SLC13A2: variants seen among roughly 807,000 people sequenced by gnomAD.
SLC13A2 encodes the protein solute carrier family 13 member 2.
In SLC13A2, 40 loss-of-function variants were observed where a neutral mutation model predicts 58.5. That is an observed-to-expected ratio of 0.68 (90% CI 0.53 to 0.89). The LOEUF is 0.89. Ranked by LOEUF, SLC13A2 falls within the 40% of genes least tolerant of loss-of-function variation. The probability of loss-of-function intolerance (pLI) is 0.00; values close to 1 mark genes in which losing one functional copy is unlikely to be tolerated. For synonymous variants in SLC13A2, 341 were observed against 331.6 expected (o/e 1.03, Z -0.31); for missense variants, 694 against 772.6 (o/e 0.90, Z 1.21).
rs2069172654 is a variant in SLC13A2, at chr17:28,497,536, G to T, written c.*267G>T. ...GTGTGACGTGAGGCTATCTGAGGGGGGCTGTGTGCATGCACATGATCCTAG... is the reference window on the plus strand; with the variant it reads ...GTGTGACGTGAGGCTATCTGAGGGGTGCTGTGTGCATGCACATGATCCTAG... On this transcript the variant is annotated 3_prime_UTR_variant, in exon 12 of 12. Coordinates refer to ENST00000314669, the MANE Select transcript of SLC13A2 (RefSeq NM_003984.4). 1.2e-5 allele frequency: 6 copies of T among 510,456 alleles called. No homozygotes were observed. Among genetic ancestry groups the T allele is most frequent in the Admixed American group, 3.3e-5 (1 of 30,598 alleles). The allele number at this position is 510,456 out of a possible 1,614,324, so 31.6% of individuals were successfully genotyped here.
At chr17:28,476,541 C>G (rs187658694) in intron 1 of SLC13A2, among the ~76,000 whole-genome samples, 3 of 152,152 alleles carry the variant, frequency 2.0e-5, no homozygotes, top group Non-Finnish European at 2.9e-5. Context: ...ACCCACCTCT[C>G]GCTCACTCTC....
intron 9 of SLC13A2, 126 bp from the exon 10 acceptor site, chr17:28,495,529 A>G: frequency 6.4e-6 from 6 of 931,378 alleles, no homozygotes; most frequent in Non-Finnish European, 9.8e-6. Context: ...TCATCCCTTT[A>G]GAGCTGTCTT....
chr17:28,483,572 G>GGCTGCAGTGA (rs1434514140), intron 1 of SLC13A2, among the ~76,000 whole-genome samples: 1 of 152,226 alleles, frequency 6.6e-6, no homozygotes, highest in Non-Finnish European at 1.5e-5. Context: ...AGGAGATCGA[G>GGCTGCAGTGA]GCTGCAGTGA....
In SLC13A2 at chr17:28,496,165, C is replaced by T. The variant is rs1555604596; in HGVS notation, c.1471-285C>T. On this transcript the variant is annotated intron_variant, in intron 10 of 11. Transcript: ENST00000314669. The surrounding 1 kb of genome is among the most constrained non-coding windows in gnomAD (Gnocchi z 4.2). ...AAGCCCCTTCCTCCCCAGGCGTGTT[C>T]CTGCAGCCTTTGATGACACCCCCGG... Among the ~76,000 whole-genome samples the T allele has an allele frequency of 6.6e-6, 1 of 152,148 alleles. No individual in the cohort carries two copies. The highest frequency in any genetic ancestry group is 2.4e-5 in the African/African-American group (1 of 41,434).
At chr17:28,486,791 CT>C (rs35840529) in intron 1 of SLC13A2, among the ~76,000 whole-genome samples, 32,058 of 131,108 alleles carry the variant, frequency 0.24, 3,784 homozygotes, top group African/African-American at 0.31. Flanking sequence ...GCGAGTCTGA[CT>C]TTTTTTTTTT....
intron 1 of SLC13A2, among the ~76,000 whole-genome samples, chr17:28,479,274 A>G (rs891190272): frequency 3.3e-5 from 5 of 152,188 alleles, no homozygotes; most frequent in African/African-American, 1.2e-4. Context: ...TCCAGGCAGA[A>G]CAAGCAGTAA....
At chr17:28,491,941 A>G (rs2069035973) in intron 6 of SLC13A2, 89 bp downstream of exon 6, 14 of 1,517,926 alleles carry the variant, frequency 9.2e-6, no homozygotes, top group Non-Finnish European at 1.2e-5. Context: ...AAATGATATT[A>G]TCACCATCCC....
intron 1 of SLC13A2, among the ~76,000 whole-genome samples, chr17:28,483,101 G>T (rs2068814347): frequency 6.6e-6 from 1 of 152,196 alleles, no homozygotes; most frequent in Non-Finnish European, 1.5e-5. Context: ...GAGACTGTGG[G>T]CACATGTGCT....
In SLC13A2 at chr17:28,480,325, C is replaced by A. The variant is rs574848894; in HGVS notation, c.102+6511C>A. Among the ~76,000 whole-genome samples the A allele has an allele frequency of 6.6e-5, 10 of 152,044 alleles. No individual in the cohort carries two copies. In the South Asian group the frequency reaches 2.1e-3, roughly 32 times the overall value. Reference sequence around the variant, plus strand: ...CTCCAGCATGGGTGACAGAACAAGGCCTTGTCAAAAAAAAAATCTGTGTAG... The same window carrying A: ...CTCCAGCATGGGTGACAGAACAAGGACTTGTCAAAAAAAAAATCTGTGTAG... On this transcript the variant is annotated intron_variant, in intron 1 of 11. Transcript: ENST00000314669.
rs1472123313 is a variant in SLC13A2 at position 28,489,741 on chromosome 17, GGGGTA to G, written c.231+403_231+407del. On this transcript the variant is annotated intron_variant, in intron 2 of 11. Transcript: ENST00000314669. Reference sequence around the variant, plus strand: ...CCAGAGTTTCTGATTCGGTAGATCTGGGGTAGGGCCTAAGCATTTTATTTCTAACA... The same window carrying G: ...CCAGAGTTTCTGATTCGGTAGATCTGGGGCCTAAGCATTTTATTTCTAACA... Among the ~76,000 whole-genome samples the G allele has an allele frequency of 2.6e-5, 4 of 152,286 alleles. No homozygotes were observed. In the East Asian group the frequency reaches 7.7e-4, roughly 29 times the overall value.
chr17:28,493,706 C>T lies in SLC13A2; in HGVS notation c.1014C>T (p.Ile338=), dbSNP rs782270120. 1.2e-6 allele frequency: 2 copies of T among 1,614,132 alleles called. No homozygotes were observed. Among genetic ancestry groups the T allele is most frequent in the Non-Finnish European group, 1.7e-6 (2 of 1,180,062 alleles). ...AGGCCATCAGCATCCTATTCGTCAT[C>T]CTGGTGCTGCTCTGGTTCACCCGGG... ...AEKAISILFV[I]LVLLWFTREP... Residue 338 remains isoleucine, a synonymous_variant, in exon 7 of 12, where the codon ATC becomes ATT. Transcript: ENST00000314669.
At chr17:28,486,445 G>A (rs2068883378) in intron 1 of SLC13A2, among the ~76,000 whole-genome samples, 2 of 152,186 alleles carry the variant, frequency 1.3e-5, no homozygotes, top group South Asian at 2.1e-4. Flanking sequence ...CATGATGCAG[G>A]AAGAACAAAT....
chr17:28,478,622 T>G (rs1160786970), intron 1 of SLC13A2, among the ~76,000 whole-genome samples: 1 of 152,042 alleles, frequency 6.6e-6, no homozygotes, highest in Non-Finnish European at 1.5e-5. Flanking sequence ...CCAGGAATAG[T>G]AGGGTGTGTT....
chr17:28,484,901 T>G (rs2068848813), intron 1 of SLC13A2, among the ~76,000 whole-genome samples: 1 of 151,922 alleles, frequency 6.6e-6, no homozygotes, highest in Non-Finnish European at 1.5e-5. Context: ...GATTGACTGC[T>G]GGGTGGAGAA....
In SLC13A2 at chr17:28,489,232, G is replaced by T; in HGVS notation, c.121G>T (p.Ala41Ser). 6.2e-7 allele frequency: 1 copy of T among 1,613,862 alleles called. No individual in the cohort carries two copies. The highest frequency in any genetic ancestry group is 8.5e-7 in the Non-Finnish European group (1 of 1,180,014). Reference protein sequence around the residue: ...VPSKEAYCAYAIILMALFWCT... With the variant: ...VPSKEAYCAYSIILMALFWCT... ...CCTGCAGGAGGCCTACTGCGCGTAT[G>T]CCATCATCCTCATGGCGCTCTTCTG... Residue 41 changes from alanine (A) to serine (S), a missense_variant, in exon 2 of 12, where the codon GCC (alanine) becomes TCC (serine). Physicochemically the swap from Ala to Ser is moderately conservative, Grantham distance 99 (BLOSUM62 1). Transcript: ENST00000314669.
At position 28,494,007 on chromosome 17, in the gene SLC13A2, C is replaced by A. The variant is rs377679658; in HGVS notation, c.1098-10C>A. On this transcript the variant is annotated splice_polypyrimidine_tract_variant and intron_variant, in intron 7 of 11. Transcript: ENST00000314669. The surrounding 1 kb of genome is among the most constrained non-coding windows in gnomAD (Gnocchi z 4.0). ...TAACCCAGCCCTCCCCGCGCCCCCT[C>A]CACCAACAGCATGGTGTCCGATGGG... 90 of 1,613,140 alleles carry A rather than the reference C, an allele frequency of 5.6e-5. No individual in the cohort carries two copies. The highest frequency in any genetic ancestry group is 7.0e-5 in the Non-Finnish European group (82 of 1,179,234).
At chr17:28,491,041 A>G (rs1229616086) in intron 4 of SLC13A2, 135 bp downstream of exon 4, 6 of 925,490 alleles carry the variant, frequency 6.5e-6, no homozygotes, top group Non-Finnish European at 9.5e-6. Context: ...GACAGTGACC[A>G]ATTTGTTTTT....
chr17:28,491,488 A>T lies in SLC13A2; in HGVS notation c.626A>T (p.His209Leu). ...TCTGCCTCTTCGGAGGGGAGGGCACATCTCAGCCAGAAGCATCTCCACCTC... is the reference window on the plus strand; with the variant it reads ...TCTGCCTCTTCGGAGGGGAGGGCACTTCTCAGCCAGAAGCATCTCCACCTC... ...VTSASSEGRA[H>L]LSQKHLHLTQ... The change falls in exon 5 of 12, where the codon CAT becomes CTT. Residue 209 changes from histidine (H) to leucine (L), a missense_variant. Transcript: ENST00000314669. 6.2e-7 allele frequency: 1 copy of T among 1,613,768 alleles called. No homozygotes were observed. Among genetic ancestry groups the T allele is most frequent in the Admixed American group, 1.7e-5 (1 of 60,026 alleles).
rs148547999 is a variant in SLC13A2, at chr17:28,496,544, A to G, written c.1565A>G (p.Asn522Ser). 7.4e-6 allele frequency: 12 copies of G among 1,613,518 alleles called. No individual in the cohort carries two copies. The highest frequency in any genetic ancestry group is 3.3e-4 in the Middle Eastern group (2 of 6,080). Reference sequence around the variant, plus strand: ...ATGTTGCCTGTGGCCACCCCGCCCAATGCCATCGTCTTCTCTTTCGGGGAC... The same window carrying G: ...ATGTTGCCTGTGGCCACCCCGCCCAGTGCCATCGTCTTCTCTTTCGGGGAC... ...AFMLPVATPP[N>S]AIVFSFGDLK... Residue 522 changes from asparagine to serine, a missense_variant, in exon 11 of 12, where the codon AAT becomes AGT. Physicochemically the swap from Asn to Ser is conservative, Grantham distance 46. Transcript: ENST00000314669. This position sits in a 1 kb window ranked among gnomAD's most constrained non-coding sequence, Gnocchi z 4.2.
Sources: allele counts gnomAD v4.1 joint callset (sites outside exome capture counted in the v4.1 genomes callset), GRCh38; gene constraint gnomAD v4.1.1; non-coding constraint Gnocchi (gnomAD v3.1); transcripts MANE v1.5; gene names NCBI Gene and HGNC (gene_info 2026-07-23, HGNC 2026-07-21).